Variants in CAPN7 observed in about 807,000 individuals in gnomAD.
The protein encoded by CAPN7 is calpain 7, also known as calpain-7.
CAPN7 carries 72 observed loss-of-function variants against 115.2 expected under a neutral mutation model. The observed-to-expected ratio is 0.63, with a 90% CI of 0.52 to 0.76. The LOEUF (loss-of-function observed/expected upper bound fraction) is 0.76, where lower values mean the gene tolerates loss of function less well. CAPN7 is among the 30% of genes least tolerant of loss of function. CAPN7 has a pLI of 0.00. For missense variants in CAPN7, 905 were observed against 971.5 expected (o/e 0.93, Z 0.91); for synonymous variants, 344 against 322.3 (o/e 1.07, Z -0.72).
chr3:15,217,577 A>T lies in CAPN7; in HGVS notation c.364A>T (p.Lys122Ter). 1 of 1,611,864 alleles carries T rather than the reference A, an allele frequency of 6.2e-7. No individual in the cohort carries two copies. Among genetic ancestry groups the T allele is most frequent in the African/African-American group, 1.3e-5 (1 of 74,952 alleles). The change falls in exon 3 of 21, where the codon AAA becomes TAA. Residue 122 changes from lysine to a stop codon, truncating the protein, a stop_gained. Transcript: ENST00000253693. LOFTEE classifies it high-confidence loss of function. The stretch of plus-strand genomic sequence containing the variant: ...CACAGAAGCTGTGGATCTCTGTCTG[A>T]AAACAGTGTGTATAGCTACAAATTA... ...LYTEAVDLCL[K>*]TSYETADKVL...
chr3:15,250,018 C>G (rs1392057815), intron 19 of CAPN7, among the ~76,000 whole-genome samples: 3 of 151,230 alleles, frequency 2.0e-5, no homozygotes, highest in Admixed American at 1.3e-4. Flanking sequence ...CCACCTCTGC[C>G]TCCCAAAGTG....
At position 15,231,681 on chromosome 3, in the gene CAPN7, C is replaced by T. The variant is rs560505150; in HGVS notation, c.1033-838C>T. 2.6e-5 allele frequency among the ~76,000 whole-genome samples: 4 copies of T among 152,152 alleles called. No homozygotes were observed. The South Asian group carries it at 8.3e-4, about 32-fold the overall frequency. On this transcript the variant is annotated intron_variant, in intron 9 of 20. Coordinates refer to ENST00000253693, the MANE Select transcript of CAPN7 (RefSeq NM_014296.3). ...AGTAGCTGGGATTACAGGCACCCAC[C>T]ACCACGCCCGGCTAATTTTTGTATT...
intron 18 of CAPN7, 114 bp downstream of exon 18, chr3:15,246,908 G>C (rs1695697346): frequency 3.6e-6 from 3 of 839,608 alleles, no homozygotes; most frequent in Admixed American, 6.0e-5. Flanking sequence ...AGGAATATAA[G>C]GGAAACGTAA....
rs376652015 is a variant in CAPN7, at chr3:15,250,913, G to C, written c.2205-18G>C. The C allele has an allele frequency of 1.8e-5, 27 of 1,517,630 alleles. No individual in the cohort carries two copies. In the African/African-American group the frequency reaches 3.0e-4, roughly 17 times the overall value. The allele number at this position is 1,517,630 out of a possible 1,614,324, so 94.0% of individuals were successfully genotyped here. A position where few individuals can be genotyped will look rare whatever the true frequency, so the allele number is the denominator to read the frequency against. On this transcript the variant is annotated intron_variant, in intron 19 of 20. Coordinates refer to ENST00000253693, the MANE Select transcript of CAPN7 (RefSeq NM_014296.3). The stretch of plus-strand genomic sequence containing the variant: ...GAATATATATTAATACAGTAATTCT[G>C]TTCATTTTAAATGCTAGGCAATATA...
intron 1 of CAPN7, among the ~76,000 whole-genome samples, chr3:15,208,567 A>G (rs1009651995): frequency 7.9e-5 from 12 of 151,814 alleles, no homozygotes; most frequent in African/African-American, 2.7e-4. Context: ...AAATGCTGGA[A>G]TTACAGGCGT....
chr3:15,213,994 C>T (rs1197550881), intron 2 of CAPN7, among the ~76,000 whole-genome samples: 1 of 151,844 alleles, frequency 6.6e-6, no homozygotes, highest in Middle Eastern at 3.4e-3. Flanking sequence ...CATTCTCCTG[C>T]GTCAGCCTCC....
Position 15,207,771 on chromosome 3 carries a change from A to G in CAPN7, c.102+1174A>G, listed in dbSNP as rs118090176. On this transcript the variant is annotated intron_variant, in intron 1 of 20. Coordinates refer to ENST00000253693, the MANE Select transcript of CAPN7 (RefSeq NM_014296.3). ...CCACTGGGAGGTCTTCAGGAGCAAT[A>G]ACAGGAATGAAACTGTCGTCTCCTA... Among the ~76,000 whole-genome samples the G allele has an allele frequency of 1.2e-4, 18 of 152,240 alleles. No homozygotes were observed. The East Asian group carries it at 3.5e-3, about 29-fold the overall frequency.
chr3:15,219,910 C>T (rs1394450976), intron 4 of CAPN7, among the ~76,000 whole-genome samples: 1 of 152,120 alleles, frequency 6.6e-6, no homozygotes, highest in Non-Finnish European at 1.5e-5. Flanking sequence ...CATTCTTTTG[C>T]AATTACCTGG....
chr3:15,230,064 A>G lies in CAPN7; in HGVS notation c.939-378A>G, dbSNP rs367755767. ...TATAATTTCATGCAACTATATGTCA[A>G]AGTTGTATCTACTTGCCTTAGTTGT... On this transcript the variant is annotated intron_variant, in intron 8 of 20. Coordinates refer to ENST00000253693, the MANE Select transcript of CAPN7 (RefSeq NM_014296.3). 3.9e-5 allele frequency among the ~76,000 whole-genome samples: 6 copies of G among 152,292 alleles called. No homozygotes were observed. In the East Asian group the frequency reaches 1.2e-3, roughly 29 times the overall value.
chr3:15,206,523 G>A lies in CAPN7; in HGVS notation c.28G>A (p.Ala10Thr). The stretch of plus-strand genomic sequence containing the variant: ...GGACGCCACAGCACTGGAGCGGGAC[G>A]CTGTGCAGTTCGCCCGTCTGGCGGT... MDATALERD[A>T]VQFARLAVQR... The change falls in exon 1 of 21, where the codon GCT becomes ACT. Residue 10 changes from alanine (A) to threonine (T), a missense_variant. This residue lies in a region of CAPN7 where 271 missense variants were observed against 239.6 expected (regional missense o/e 1.13). Coordinates refer to ENST00000253693, the MANE Select transcript of CAPN7 (RefSeq NM_014296.3). The A allele has an allele frequency of 1.3e-6, 2 of 1,554,398 alleles. No homozygotes were observed. Among genetic ancestry groups the A allele is most frequent in the Non-Finnish European group, 1.7e-6 (2 of 1,149,536 alleles).
At position 15,246,896 on chromosome 3, in the gene CAPN7, A is replaced by G. The variant is rs112974553; in HGVS notation, c.2073+102A>G. 646 of 932,354 alleles carry G rather than the reference A, an allele frequency of 6.9e-4. 6 individuals are homozygous for G. The African/African-American group carries it at 9.7e-3, about 14-fold the overall frequency. The allele number at this position is 932,354 out of a possible 1,614,324, so 57.8% of individuals were successfully genotyped here. A position where few individuals can be genotyped will look rare whatever the true frequency, so the allele number is the denominator to read the frequency against. ...ATTGTTTATATTTAGCAAAGGCTTC[A>G]CAGGAATATAAGGGAAACGTAAATG... On this transcript the variant is annotated intron_variant, in intron 18 of 20. Coordinates refer to ENST00000253693, the MANE Select transcript of CAPN7 (RefSeq NM_014296.3).
Position 15,245,657 on chromosome 3 carries a change from C to T in CAPN7, c.1996C>T (p.His666Tyr). 1.2e-6 allele frequency: 2 copies of T among 1,613,268 alleles called. No individual in the cohort carries two copies. The highest frequency in any genetic ancestry group is 1.1e-5 in the South Asian group (1 of 90,982). The change falls in exon 17 of 21, where the codon CAT becomes TAT. Residue 666 changes from histidine to tyrosine, a missense_variant. Transcript: ENST00000253693. Reference sequence around the variant, plus strand: ...TCAATATGAAAAACAGAACACAATCCATTACACGGTTCGGGTAAGTAAAAC... The same window carrying T: ...TCAATATGAAAAACAGAACACAATCTATTACACGGTTCGGGTAAGTAAAAC... Reference protein sequence around the residue: ...VSQYEKQNTIHYTVRVYSACS... With the variant: ...VSQYEKQNTIYYTVRVYSACS...
intron 1 of CAPN7, among the ~76,000 whole-genome samples, chr3:15,209,637 T>C (rs191401344): frequency 7.2e-5 from 11 of 152,366 alleles, no homozygotes; most frequent in Non-Finnish European, 1.2e-4. Context: ...TTCAGAATCC[T>C]TTTAGACTTT....
chr3:15,218,965 A>C (rs1693804278), intron 4 of CAPN7, among the ~76,000 whole-genome samples: 1 of 152,256 alleles, frequency 6.6e-6, no homozygotes, highest in South Asian at 2.1e-4. Flanking sequence ...TCAACTTTTC[A>C]ATGAAGCCTG....
chr3:15,232,740 A>G (rs1055489992), intron 10 of CAPN7, 75 bp downstream of exon 10: 1 of 1,308,328 alleles, frequency 7.6e-7, no homozygotes, highest in Non-Finnish European at 1.0e-6. Flanking sequence ...GAAAAATTCT[A>G]GATAGTCTTT....
At position 15,217,428 on chromosome 3, in the gene CAPN7, A is replaced by T. The variant is rs376506071; in HGVS notation, c.215A>T (p.Gln72Leu). 1 of 1,607,650 alleles carries T rather than the reference A, an allele frequency of 6.2e-7. No homozygotes were observed. The highest frequency in any genetic ancestry group is 1.3e-5 in the African/African-American group (1 of 74,416). ...ERVQALHSAV[Q>L]SKSADPLKSK... ...CGTATTTTTTTTTCTATCCTAGTTC[A>T]GTCAAAGAGTGCTGATCCTTTGAAG... The change falls in exon 3 of 21, where the codon CAG (glutamine) becomes CTG (leucine). Residue 72 changes from glutamine to leucine, a missense_variant. By Grantham distance (113) the Gln-to-Leu change is moderately radical (BLOSUM62 -2). Around this residue, in one of 3 missense-constraint regions of CAPN7, gnomAD observed 271 missense variants for 239.6 expected, o/e 1.13. Transcript: ENST00000253693.
intron 1 of CAPN7, 146 bp downstream of exon 1, chr3:15,206,743 G>C (rs1051876397): frequency 3.1e-6 from 2 of 639,362 alleles, no homozygotes; most frequent in Non-Finnish European, 5.3e-6. Flanking sequence ...CTCTTGTTGG[G>C]AGCGGCAAGC....
rs1003454017 is a variant in CAPN7 at position 15,245,987 on chromosome 3, G to GAC, written c.2010+317_2010+318insCA. ...GAGTCTTGCTCTGTCACCCAGGCTGGAGTGAGTGCATTAGTGCAATCTCGG... is the reference window on the plus strand; with the variant it reads ...GAGTCTTGCTCTGTCACCCAGGCTGGACAGTGAGTGCATTAGTGCAATCTCGG... On this transcript the variant is annotated intron_variant, in intron 17 of 20. Transcript: ENST00000253693. 7 of 183,916 alleles carry GAC rather than the reference G, an allele frequency of 3.8e-5. No individual in the cohort carries two copies. The Admixed American group carries it at 4.3e-4, about 11-fold the overall frequency. 11.4% of individuals were successfully genotyped at this position (183,916 alleles called of 1,614,324 possible).
rs572738750 is a variant in CAPN7 at position 15,250,130 on chromosome 3, T to G, written c.2205-801T>G. On this transcript the variant is annotated intron_variant, in intron 19 of 20. Coordinates refer to ENST00000253693, the MANE Select transcript of CAPN7 (RefSeq NM_014296.3). ...GCTCAAGGCTGTAATCCCAGCACTT[T>G]GGGAGGCCAATGTAGGAGGATAGCT... is the stretch of plus-strand genomic sequence containing the variant. Among the ~76,000 whole-genome samples, 18 of 151,216 alleles carry G rather than the reference T, an allele frequency of 1.2e-4. No homozygotes were observed. The East Asian group carries it at 3.7e-3, about 31-fold the overall frequency.
Sources: gnomAD v4.1 joint callset for allele counts (sites outside exome capture counted in the v4.1 genomes callset) on GRCh38, gnomAD v4.1.1 for gene constraint, gnomAD v4.1.1 regional missense constraint, MANE v1.5 for transcripts, NCBI Gene and HGNC (gene_info 2026-07-23, HGNC 2026-07-21) for gene names.